The following PHTF2 variants were observed in gnomAD, a reference collection of about 807,000 sequenced individuals.
PHTF2 encodes putative homeodomain transcription factor 2.
In PHTF2, 60 loss-of-function variants were observed where a neutral mutation model predicts 101.2. The observed-to-expected ratio is 0.59, with a 90% confidence interval of 0.48 to 0.73. PHTF2 has a LOEUF of 0.73. PHTF2 is among the 30% of genes least tolerant of loss of function. PHTF2 has a pLI of 0.00. For synonymous variants in PHTF2, 311 were observed against 307.3 expected (o/e 1.01, Z -0.13); for missense variants, 747 against 908.7 (o/e 0.82, Z 2.29).
intron 1 of PHTF2, among the ~76,000 whole-genome samples, chr7:77,822,829 T>TG (rs1562843968): frequency 2.0e-5 from 3 of 151,644 alleles, no homozygotes. Flanking sequence ...TCTTTCTTAT[T>TG]GGGGGGATGA....
At chr7:77,825,041 A>G (rs1794602003) in intron 1 of PHTF2, among the ~76,000 whole-genome samples, 1 of 152,154 alleles carries the variant, frequency 6.6e-6, no homozygotes, top group African/African-American at 2.4e-5. Flanking sequence ...CTGTCTCTAA[A>G]TAACAACAAC....
In PHTF2 at chr7:77,945,422, C is replaced by CT. The variant is rs200320316; in HGVS notation, c.1959+2645dup. 5.8e-4 allele frequency among the ~76,000 whole-genome samples: 87 copies of CT among 151,146 alleles called. No individual in the cohort carries two copies. The Middle Eastern group carries it at 0.021, about 36-fold the overall frequency. On this transcript the variant is annotated intron_variant, in intron 16 of 19. Coordinates refer to ENST00000416283, the Ensembl canonical transcript of PHTF2. ...GCTAAGAATTTTTCTGAATTGATGA[C>CT]TTTTTTTTTCAGATACAAGGAAGTT...
At chr7:77,830,311 A>G (rs548999495) in intron 1 of PHTF2, among the ~76,000 whole-genome samples, 1 of 152,310 alleles carries the variant, frequency 6.6e-6, no homozygotes, top group East Asian at 1.9e-4. Flanking sequence ...TCCTGTATAT[A>G]CATACTTATG....
chr7:77,811,138 G>C (rs1793407900), intron 1 of PHTF2, among the ~76,000 whole-genome samples: 1 of 152,172 alleles, frequency 6.6e-6, no homozygotes, highest in Non-Finnish European at 1.5e-5. Context: ...CTGACCTCAA[G>C]TGATCCACCT....
Position 77,950,920 on chromosome 7 carries a change from T to C in PHTF2, c.2116-697T>C, listed in dbSNP as rs908398478. The stretch of plus-strand genomic sequence containing the variant: ...ATCATGTTAGTCTCACCAGTCAGTA[T>C]ATTGACTAGCTTTGGTTTGGGTGTA... On this transcript the variant is annotated intron_variant, in intron 17 of 19. Transcript: ENST00000416283. Among the ~76,000 whole-genome samples, 4 of 152,328 alleles carry C rather than the reference T, an allele frequency of 2.6e-5. No homozygotes were observed. In the East Asian group the frequency reaches 7.7e-4, roughly 29 times the overall value.
chr7:77,811,845 T>C (rs1315557165), intron 1 of PHTF2, among the ~76,000 whole-genome samples: 2 of 152,186 alleles, frequency 1.3e-5, no homozygotes, highest in Non-Finnish European at 2.9e-5. Context: ...TTCTAGGCCC[T>C]CTCAGTGGAC....
At chr7:77,956,750 C>A (rs545874504) in exon 20 of PHTF2, 1 of 152,526 alleles carries the variant, frequency 6.6e-6, no homozygotes, top group East Asian at 1.9e-4. Flanking sequence ...GGCATGAGTT[C>A]TGTTAGGAAT....
At chr7:77,814,245 A>G (rs995992491) in intron 1 of PHTF2, among the ~76,000 whole-genome samples, 47 of 152,226 alleles carry the variant, frequency 3.1e-4, no homozygotes, top group African/African-American at 1.0e-3. Flanking sequence ...TCTTAGAGGA[A>G]ATACAGAGTT....
intron 19 of PHTF2, among the ~76,000 whole-genome samples, chr7:77,954,628 A>G (rs914089459): frequency 2.1e-4 from 31 of 144,730 alleles, no homozygotes; most frequent in African/African-American, 7.1e-4. Context: ...ATATATATAT[A>G]TATATATATA....
At position 77,820,052 on chromosome 7, in the gene PHTF2, G is replaced by A. The variant is rs146470536; in HGVS notation, c.-35-20169G>A. Among the ~76,000 whole-genome samples the A allele has an allele frequency of 3.4e-3, 518 of 152,156 alleles. 3 individuals are homozygous for A. Among genetic ancestry groups the A allele is most frequent in the African/African-American group, 0.012 (495 of 41,520 alleles). ...TTACAGGCATGCACCACCACACCCG[G>A]CTAATTTTGTATTTTTAGTAGAGAC... On this transcript the variant is annotated intron_variant, in intron 1 of 19. Transcript: ENST00000416283.
chr7:77,904,230 C>T (rs1195056457), intron 7 of PHTF2, among the ~76,000 whole-genome samples: 1 of 152,202 alleles, frequency 6.6e-6, no homozygotes, highest in African/African-American at 2.4e-5. Context: ...GTTTCTTAAA[C>T]ATTCCATGCT....
chr7:77,849,761 C>G (rs1338412147), intron 2 of PHTF2, among the ~76,000 whole-genome samples: 2 of 152,114 alleles, frequency 1.3e-5, no homozygotes, highest in Non-Finnish European at 2.9e-5. Context: ...CTTATTTTAT[C>G]TGCAGCTATT....
At chr7:77,952,936 GTC>G (rs1293286972) in intron 18 of PHTF2, among the ~76,000 whole-genome samples, 1 of 151,992 alleles carries the variant, frequency 6.6e-6, no homozygotes, top group East Asian at 1.9e-4. Context: ...TGAGATCCTT[GTC>G]TCTCACTTAT....
intron 10 of PHTF2, among the ~76,000 whole-genome samples, chr7:77,920,821 A>G (rs1803387668): frequency 6.6e-6 from 1 of 152,008 alleles, no homozygotes; most frequent in Non-Finnish European, 1.5e-5. Context: ...AGCTAGAACT[A>G]CAGGCATGCG....
chr7:77,888,846 C>T (rs1174680822), intron 3 of PHTF2, among the ~76,000 whole-genome samples: 1 of 148,432 alleles, frequency 6.7e-6, no homozygotes, highest in African/African-American at 2.6e-5. Flanking sequence ...GACTGAGACC[C>T]TGTCTCAACA....
intron 3 of PHTF2, among the ~76,000 whole-genome samples, chr7:77,866,536 A>ATC: frequency 6.6e-6 from 1 of 152,026 alleles, no homozygotes; most frequent in African/African-American, 2.4e-5. Flanking sequence ...AAGGGCATGG[A>ATC]ATTGGAAGTC....
intron 3 of PHTF2, among the ~76,000 whole-genome samples, chr7:77,865,977 A>G (rs113864441): frequency 0.1 from 15,562 of 152,042 alleles, 882 homozygotes; most frequent in Middle Eastern, 0.13. Flanking sequence ...TGAGGTCAGG[A>G]GTTCAAGACC....
intron 2 of PHTF2, among the ~76,000 whole-genome samples, chr7:77,843,613 G>T (rs983588024): frequency 2.0e-5 from 3 of 152,192 alleles, no homozygotes; most frequent in African/African-American, 7.2e-5. Flanking sequence ...TGAAATGAAG[G>T]CAGGAGAACT....
At chr7:77,954,888 GA>G in exon 20 of PHTF2, 1 of 1,461,842 alleles carries the variant, frequency 6.8e-7, no homozygotes, top group Non-Finnish European at 9.4e-7. Context: ...ACAATTCAAA[GA>G]AAAGAAGATG....
Sources: allele counts gnomAD v4.1 joint callset (sites outside exome capture counted in the v4.1 genomes callset), GRCh38; gene constraint gnomAD v4.1.1; transcripts MANE v1.5; gene names NCBI Gene and HGNC (gene_info 2026-07-23, HGNC 2026-07-21).